CTNNA3: variants seen among roughly 807,000 people sequenced by gnomAD.
The protein encoded by CTNNA3 is catenin alpha-3.
In CTNNA3, 76 loss-of-function variants were observed where a neutral mutation model predicts 95.7. That is an observed-to-expected ratio of 0.79 (90% CI 0.66 to 0.96). The LOEUF (loss-of-function observed/expected upper bound fraction) is 0.96. Among genes scored for constraint, CTNNA3 ranks in the 40% least tolerant of loss-of-function variants. CTNNA3 has a pLI of 0.00. For missense variants in CTNNA3, 1,191 were observed against 1,089.8 expected (o/e 1.09, Z -1.31); for synonymous variants, 431 against 374.4 (o/e 1.15, Z -1.74).
intron 7 of CTNNA3, among the ~76,000 whole-genome samples, chr10:66,805,229 G>A (rs1240234466): frequency 6.6e-6 from 1 of 151,842 alleles, no homozygotes; most frequent in Non-Finnish European, 1.5e-5. Context: ...CCTTTGCTGA[G>A]TTTGCTTTGT....
intron 3 of CTNNA3, among the ~76,000 whole-genome samples, chr10:67,601,520 A>G (rs898252767): frequency 2.0e-5 from 3 of 152,084 alleles, no homozygotes; most frequent in African/African-American, 7.2e-5. Context: ...TAGGCCATGG[A>G]CCAGTACCGG....
At chr10:67,166,440 A>G (rs529229243) in intron 7 of CTNNA3, among the ~76,000 whole-genome samples, 1 of 152,312 alleles carries the variant, frequency 6.6e-6, no homozygotes, top group East Asian at 1.9e-4. Context: ...TCTCTGTTAT[A>G]AGTGTTTAAT....
intron 7 of CTNNA3, among the ~76,000 whole-genome samples, chr10:67,003,003 C>T (rs191108380): frequency 1.3e-3 from 201 of 152,242 alleles, no homozygotes; most frequent in African/African-American, 4.7e-3. Context: ...TGCAGTATTG[C>T]TTTCACGGTA....
At position 65,919,466 on chromosome 10, in the gene CTNNA3, T is replaced by C. The variant is rs1357026228; in HGVS notation, c.*864A>G. On this transcript the variant is annotated 3_prime_UTR_variant, in exon 18 of 18. Transcript: ENST00000433211. ...TATTTTTATGTTTGTAAAAATAGGG[T>C]CATACAGAACTTACACTTCTGTTAT... The C allele has an allele frequency of 6.6e-6, 1 of 152,150 alleles. No homozygotes were observed. The highest frequency in any genetic ancestry group is 2.4e-5 in the African/African-American group (1 of 41,430). The allele number at this position is 152,150 out of a possible 1,614,324, so 9.4% of individuals were successfully genotyped here.
chr10:67,457,905 C>T (rs745721664), intron 5 of CTNNA3, among the ~76,000 whole-genome samples: 5 of 152,124 alleles, frequency 3.3e-5, no homozygotes, highest in Non-Finnish European at 5.9e-5. Flanking sequence ...CCATATTTTG[C>T]AGGTCCATTG....
intron 13 of CTNNA3, among the ~76,000 whole-genome samples, chr10:66,259,049 T>C (rs1002580842): frequency 6.6e-6 from 1 of 152,198 alleles, no homozygotes; most frequent in African/African-American, 2.4e-5. Flanking sequence ...TGGACCTTTA[T>C]TCCTTGTTAC....
At chr10:67,197,559 T>A (rs1863436549) in intron 6 of CTNNA3, among the ~76,000 whole-genome samples, 1 of 152,146 alleles carries the variant, frequency 6.6e-6, no homozygotes, top group Admixed American at 6.6e-5. Flanking sequence ...AAATGACTGC[T>A]GGGTGGTGAC....
At chr10:66,928,719 AC>A (rs1228285074) in intron 7 of CTNNA3, among the ~76,000 whole-genome samples, 4 of 152,158 alleles carry the variant, frequency 2.6e-5, no homozygotes, top group Non-Finnish European at 5.9e-5. Flanking sequence ...ATTGTATAAG[AC>A]CCTTTACTGA....
intron 7 of CTNNA3, among the ~76,000 whole-genome samples, chr10:67,010,976 C>G (rs988704126): frequency 2.6e-5 from 4 of 152,106 alleles, no homozygotes; most frequent in African/African-American, 7.2e-5. Flanking sequence ...AATAGAGAAT[C>G]TACAATATAA....
chr10:67,245,194 G>A (rs989759279), intron 5 of CTNNA3, among the ~76,000 whole-genome samples: 6 of 151,874 alleles, frequency 4.0e-5, no homozygotes, highest in African/African-American at 9.7e-5. Context: ...TCCCACGGCC[G>A]GCATGCTCTT....
chr10:66,716,525 G>T (rs138345631), intron 9 of CTNNA3, among the ~76,000 whole-genome samples: 9 of 152,038 alleles, frequency 5.9e-5, no homozygotes, highest in Non-Finnish European at 1.2e-4. Flanking sequence ...AGAATTTTCC[G>T]GTAGCCCGAG....
intron 17 of CTNNA3, among the ~76,000 whole-genome samples, chr10:65,953,339 T>C (rs1193712969): frequency 6.6e-6 from 1 of 152,150 alleles, no homozygotes; most frequent in East Asian, 1.9e-4. Flanking sequence ...TGCAACAGTA[T>C]GTATTTTCCA....
intron 7 of CTNNA3, among the ~76,000 whole-genome samples, chr10:66,863,180 TACACACACAC>T (rs71035194): frequency 1.4e-5 from 2 of 147,806 alleles, no homozygotes; most frequent in African/African-American, 2.5e-5. Flanking sequence ...GCCAATTCTT[TACACACACAC>T]ACACACACAC....
chr10:66,227,964 T>C (rs904250489), intron 13 of CTNNA3, among the ~76,000 whole-genome samples: 3 of 152,158 alleles, frequency 2.0e-5, no homozygotes, highest in African/African-American at 7.2e-5. Context: ...GGCATATAGT[T>C]GTTCACAATA....
intron 13 of CTNNA3, among the ~76,000 whole-genome samples, chr10:66,120,396 C>T (rs796118869): frequency 4.6e-5 from 7 of 152,226 alleles, no homozygotes; most frequent in Admixed American, 2.0e-4. Flanking sequence ...AGTATACTGT[C>T]TAGTTAATAC....
intron 5 of CTNNA3, among the ~76,000 whole-genome samples, chr10:67,440,559 C>T (rs751602831): frequency 3.0e-4 from 46 of 152,210 alleles, no homozygotes; most frequent in Middle Eastern, 3.4e-3. Context: ...TCAGGTCTGA[C>T]CTCTGTAGTC....
In CTNNA3 at chr10:66,132,217, A is replaced by G. The variant is rs1279713592; in HGVS notation, c.1885-28968T>C. The stretch of plus-strand genomic sequence containing the variant: ...AACTTATACAAATCTATAAGACAAA[A>G]GCAAACAATCCCATTGAAAAGTGGA... On this transcript the variant is annotated intron_variant, in intron 13 of 17. Transcript: ENST00000433211. Among the ~76,000 whole-genome samples the G allele has an allele frequency of 3.9e-5, 6 of 152,210 alleles. No individual in the cohort carries two copies. In the East Asian group the frequency reaches 1.2e-3, roughly 29 times the overall value.
At chr10:67,412,281 C>T (rs981950998) in intron 5 of CTNNA3, among the ~76,000 whole-genome samples, 1 of 151,990 alleles carries the variant, frequency 6.6e-6, no homozygotes, top group Non-Finnish European at 1.5e-5. Context: ...TTGTTTCATG[C>T]ATTCATTAGC....
chr10:67,250,714 T>C (rs528985733), intron 5 of CTNNA3, among the ~76,000 whole-genome samples: 1 of 152,244 alleles, frequency 6.6e-6, no homozygotes, highest in East Asian at 1.9e-4. Context: ...AGATCACATA[T>C]GCATGAAAGA....
Sources: gnomAD v4.1 joint callset for allele counts (sites outside exome capture counted in the v4.1 genomes callset) on GRCh38, gnomAD v4.1.1 for gene constraint, MANE v1.5 for transcripts, NCBI Gene and HGNC (gene_info 2026-07-23, HGNC 2026-07-21) for gene names.